The following RNPC3 variants were observed in gnomAD, a reference collection of about 807,000 sequenced individuals.
The protein encoded by RNPC3 is RNA binding region (RNP1, RRM) containing 3, also known as RNA-binding region-containing protein 3.
Under a neutral mutation model 67.5 loss-of-function variants are expected in RNPC3, and 48 were observed. The ratio of observed to expected loss-of-function variants is 0.71; its 90% CI spans 0.56 to 0.90. RNPC3 has a LOEUF of 0.90. RNPC3 is among the 40% of genes least tolerant of loss of function. The pLI is 0.00. For missense variants in RNPC3, 637 were observed against 626.1 expected, an observed-to-expected ratio of 1.02 and a Z score of -0.19; for synonymous variants, 239 against 210.3, an observed-to-expected ratio of 1.14 and a Z score of -1.18.
At position 103,543,401 on chromosome 1, in the gene RNPC3, TAAGA is replaced by T; in HGVS notation, c.1004_1007del (p.Lys335IlefsTer2). ...TATCTACCGACATGCCAGCTGCATT[TAAGA>T]AAGATTTAGAAAAGGAACAAAATTG... On this transcript the variant is annotated frameshift_variant, in exon 9 of 15. Transcript: ENST00000423855. LOFTEE classifies it high-confidence loss of function. 1.3e-6 allele frequency: 2 copies of T among 1,519,636 alleles called. No homozygotes were observed. Among genetic ancestry groups the T allele is most frequent in the Non-Finnish European group, 1.8e-6 (2 of 1,139,508 alleles). 94.1% of individuals were successfully genotyped at this position (1,519,636 alleles called of 1,614,324 possible).
At chr1:103,528,309 G>T (rs761665342) in intron 2 of RNPC3, among the ~76,000 whole-genome samples, 1 of 152,132 alleles carries the variant, frequency 6.6e-6, no homozygotes, top group African/African-American at 2.4e-5. Context: ...TTTTGAGCTG[G>T]CTCATAATAT....
intron 1 of RNPC3, 85 bp downstream of exon 1, chr1:103,526,347 A>G: frequency 8.7e-7 from 1 of 1,151,338 alleles, no homozygotes; most frequent in Non-Finnish European, 1.2e-6. Flanking sequence ...GTAAAATGGA[A>G]ACGAGTGGGG....
chr1:103,550,457 C>T (rs1033683165), intron 12 of RNPC3, among the ~76,000 whole-genome samples: 6 of 151,470 alleles, frequency 4.0e-5, no homozygotes, highest in South Asian at 2.1e-4. Flanking sequence ...CTGACTAACA[C>T]GGTGAAACCC....
intron 11 of RNPC3, chr1:103,546,668 T>G: frequency 3.0e-6 from 1 of 330,310 alleles, no homozygotes; most frequent in Non-Finnish European, 5.4e-6. Flanking sequence ...ATTGGTTCAT[T>G]CTGAGGGCTT....
chr1:103,549,859 T>A (rs1004573949), intron 12 of RNPC3, among the ~76,000 whole-genome samples: 2 of 152,086 alleles, frequency 1.3e-5, no homozygotes, highest in Non-Finnish European at 2.9e-5. Flanking sequence ...TGTAATTGCT[T>A]ATAATAATAT....
chr1:103,540,879 A>C (rs1443224675), intron 7 of RNPC3, among the ~76,000 whole-genome samples: 1 of 152,188 alleles, frequency 6.6e-6, no homozygotes, highest in Non-Finnish European at 1.5e-5. Flanking sequence ...AATTTAAGTT[A>C]CCTTATTTAT....
chr1:103,525,870 C>G lies in RNPC3; in HGVS notation c.-201C>G. Reference sequence around the variant, plus strand: ...TGGAATTTAAATCATTAGCACCGCGCCCTTCCCCGAAGAGTCTTCGAAGGG... The same window carrying G: ...TGGAATTTAAATCATTAGCACCGCGGCCTTCCCCGAAGAGTCTTCGAAGGG... On this transcript the variant is annotated 5_prime_UTR_variant, in exon 1 of 15. Transcript: ENST00000423855. 1 of 547,554 alleles carries G rather than the reference C, an allele frequency of 1.8e-6. No individual in the cohort carries two copies. The highest frequency in any genetic ancestry group is 3.1e-5 in the East Asian group (1 of 32,582). The allele number at this position is 547,554 out of a possible 1,614,324, so 33.9% of individuals were successfully genotyped here. A position where few individuals can be genotyped will look rare whatever the true frequency, so the allele number is the denominator to read the frequency against.
intron 6 of RNPC3, among the ~76,000 whole-genome samples, 190 bp downstream of exon 6, chr1:103,536,384 C>T (rs946484344): frequency 5.3e-5 from 8 of 152,094 alleles, no homozygotes; most frequent in Non-Finnish European, 7.4e-5. Flanking sequence ...GAAAGAAATG[C>T]TTTTGTCAAT....
chr1:103,552,070 A>G (rs1381453592), intron 14 of RNPC3: 1 of 225,462 alleles, frequency 4.4e-6, no homozygotes, highest in Non-Finnish European at 8.6e-6. Flanking sequence ...AATGGTTCTT[A>G]AACCCTAATA....
At chr1:103,544,259 T>C (rs1651193300) in intron 9 of RNPC3, among the ~76,000 whole-genome samples, 2 of 151,832 alleles carry the variant, frequency 1.3e-5, no homozygotes, top group South Asian at 4.1e-4. Context: ...TAAATGAACA[T>C]AATGTTTTGA....
chr1:103,542,497 C>G (rs1466863411), intron 8 of RNPC3, among the ~76,000 whole-genome samples: 1 of 151,872 alleles, frequency 6.6e-6, no homozygotes, highest in Admixed American at 6.6e-5. Flanking sequence ...TTAAGAATTC[C>G]TTTTGCACTA....
chr1:103,539,134 G>C (rs191556692), intron 7 of RNPC3, among the ~76,000 whole-genome samples: 15 of 152,266 alleles, frequency 9.9e-5, no homozygotes, highest in African/African-American at 3.1e-4. Context: ...TTGAGCTGTA[G>C]TTTGTCAACC....
chr1:103,535,758 A>C (rs1456320720), intron 5 of RNPC3, among the ~76,000 whole-genome samples: 13 of 152,098 alleles, frequency 8.5e-5, no homozygotes, highest in Non-Finnish European at 1.5e-5. Context: ...AAATATTGGC[A>C]GTAATAACAT....
At chr1:103,528,901 T>C (rs1264798532) in intron 2 of RNPC3, among the ~76,000 whole-genome samples, 1 of 152,208 alleles carries the variant, frequency 6.6e-6, no homozygotes, top group Non-Finnish European at 1.5e-5. Context: ...TGAACACATC[T>C]ATTAAAGTCT....
In RNPC3 at chr1:103,527,690, T is replaced by C; in HGVS notation, c.193-5T>C. 6.5e-7 allele frequency: 1 copy of C among 1,546,152 alleles called. No homozygotes were observed. The highest frequency in any genetic ancestry group is 8.7e-7 in the Non-Finnish European group (1 of 1,142,940). Reference sequence around the variant, plus strand: ...GAAGTAATTTGTACCTTAACTCTGTTTCAGAAACATACAGCTTTTGCCACA... The same window carrying C: ...GAAGTAATTTGTACCTTAACTCTGTCTCAGAAACATACAGCTTTTGCCACA... On this transcript the variant is annotated splice_polypyrimidine_tract_variant and splice_region_variant and intron_variant, in intron 1 of 14. Transcript: ENST00000423855.
intron 12 of RNPC3, among the ~76,000 whole-genome samples, chr1:103,549,416 C>A (rs1651331410): frequency 6.6e-6 from 1 of 152,042 alleles, no homozygotes; most frequent in African/African-American, 2.4e-5. Flanking sequence ...CCATTAGGGG[C>A]AAATACCTCT....
At chr1:103,540,836 G>A (rs1306319241) in intron 7 of RNPC3, among the ~76,000 whole-genome samples, 1 of 152,132 alleles carries the variant, frequency 6.6e-6, no homozygotes, top group Non-Finnish European at 1.5e-5. Flanking sequence ...CTACTTCAGA[G>A]CATAGTACAG....
Position 103,527,720 on chromosome 1 carries a change from C to T in RNPC3, c.218C>T (p.Pro73Leu). Reference protein sequence around the residue: ...RLKHTAFATFPNEKAAIKALT... With the variant: ...RLKHTAFATFLNEKAAIKALT... The stretch of plus-strand genomic sequence containing the variant: ...AAACATACAGCTTTTGCCACATTCC[C>T]TAATGAAAAAGCAGCTATAAAGGTA... Residue 73 changes from proline to leucine, a missense_variant, in exon 2 of 15, where the codon CCT (proline) becomes CTT (leucine). This residue lies in a region of RNPC3 where 536 missense variants were observed against 500.3 expected (regional missense o/e 1.07). Transcript: ENST00000423855. The T allele has an allele frequency of 6.5e-7, 1 of 1,548,644 alleles. No individual in the cohort carries two copies. Among genetic ancestry groups the T allele is most frequent in the Non-Finnish European group, 8.7e-7 (1 of 1,144,842 alleles).
chr1:103,537,282 G>A, intron 6 of RNPC3, 60 bp from the exon 7 acceptor site: 13 of 1,177,086 alleles, frequency 1.1e-5, no homozygotes, highest in Non-Finnish European at 1.5e-5. Flanking sequence ...TATTCAGATG[G>A]AGTTTGTTCT....
Sources: gnomAD v4.1 joint callset for allele counts (sites outside exome capture counted in the v4.1 genomes callset) on GRCh38, gnomAD v4.1.1 for gene constraint, gnomAD v4.1.1 regional missense constraint, MANE v1.5 for transcripts, NCBI Gene and HGNC (gene_info 2026-07-23, HGNC 2026-07-21) for gene names.